DEPDC1B: variants seen among roughly 807,000 people sequenced by gnomAD.
The protein encoded by DEPDC1B is DEP domain containing 1B.
A neutral mutation model predicts 66.5 loss-of-function variants in DEPDC1B; 51 were observed. That is an observed-to-expected ratio of 0.77 (90% CI 0.61 to 0.97). The LOEUF (loss-of-function observed/expected upper bound fraction) is 0.97. Ranked by LOEUF, DEPDC1B falls within the 50% of genes least tolerant of loss-of-function variation. The pLI, the probability that DEPDC1B is intolerant of heterozygous loss-of-function variation, is 0.00. For missense variants in DEPDC1B, 552 were observed against 637.1 expected, an observed-to-expected ratio of 0.87 and a Z score of 1.44; for synonymous variants, 226 against 223.6, an observed-to-expected ratio of 1.01 and a Z score of -0.10.
At chr5:60,647,616 C>T in intron 2 of DEPDC1B, 83 bp from the exon 3 acceptor site, 1 of 1,463,742 alleles carries the variant, frequency 6.8e-7, no homozygotes, top group African/African-American at 1.4e-5. Flanking sequence ...TTTGGTGTAT[C>T]TGAAAATTTA....
chr5:60,601,210 A>G (rs2111701743), intron 9 of DEPDC1B, among the ~76,000 whole-genome samples: 1 of 152,354 alleles, frequency 6.6e-6, no homozygotes, highest in East Asian at 1.9e-4. Context: ...AGAGCAGACT[A>G]ATACACTGCT....
chr5:60,604,516 C>T (rs1752272055), intron 8 of DEPDC1B, among the ~76,000 whole-genome samples: 1 of 152,022 alleles, frequency 6.6e-6, no homozygotes, highest in South Asian at 2.1e-4. Context: ...CCACCACGCC[C>T]AGCCTAACTA....
chr5:60,669,724 C>A (rs1235912385), intron 2 of DEPDC1B, among the ~76,000 whole-genome samples: 2 of 152,164 alleles, frequency 1.3e-5, no homozygotes, highest in Non-Finnish European at 2.9e-5. Flanking sequence ...AAAATCCAAA[C>A]TCAGAAATCT....
At chr5:60,656,298 C>T (rs1398367486) in intron 2 of DEPDC1B, among the ~76,000 whole-genome samples, 2 of 151,726 alleles carry the variant, frequency 1.3e-5, no homozygotes, top group Non-Finnish European at 2.9e-5. Context: ...GTAGCTGAGA[C>T]TACAGGCACC....
chr5:60,656,838 T>C (rs1037469951), intron 2 of DEPDC1B, among the ~76,000 whole-genome samples: 3 of 152,080 alleles, frequency 2.0e-5, no homozygotes, highest in Non-Finnish European at 2.9e-5. Flanking sequence ...CACATGGGGA[T>C]TGTAGGGATT....
chr5:60,693,980 T>C (rs1436321606), intron 1 of DEPDC1B, among the ~76,000 whole-genome samples: 1 of 152,176 alleles, frequency 6.6e-6, no homozygotes, highest in African/African-American at 2.4e-5. Flanking sequence ...AAGGCATGGC[T>C]CTCTGGGACC....
At chr5:60,620,238 T>G (rs896001350) in intron 7 of DEPDC1B, among the ~76,000 whole-genome samples, 1 of 152,146 alleles carries the variant, frequency 6.6e-6, no homozygotes, top group South Asian at 2.1e-4. Flanking sequence ...GGGCAAGGAC[T>G]TCATGTCTAA....
At chr5:60,616,538 A>G (rs1325170240) in intron 7 of DEPDC1B, among the ~76,000 whole-genome samples, 7 of 152,240 alleles carry the variant, frequency 4.6e-5, no homozygotes, top group Admixed American at 3.3e-4. Context: ...AAGGAAGGGT[A>G]TCAGTGATGG....
intron 9 of DEPDC1B, among the ~76,000 whole-genome samples, chr5:60,601,989 A>C (rs1397476565): frequency 6.6e-6 from 1 of 152,168 alleles, no homozygotes; most frequent in Non-Finnish European, 1.5e-5. Flanking sequence ...AGCTAACAAA[A>C]GGCATGTCAT....
chr5:60,676,212 C>G (rs749784401), intron 2 of DEPDC1B, among the ~76,000 whole-genome samples: 2 of 150,240 alleles, frequency 1.3e-5, no homozygotes, highest in Non-Finnish European at 1.5e-5. Context: ...CTACAGGCGT[C>G]AGCCACTGTG....
At chr5:60,615,595 G>A (rs919048247) in intron 7 of DEPDC1B, among the ~76,000 whole-genome samples, 55 of 152,206 alleles carry the variant, frequency 3.6e-4, no homozygotes, top group Non-Finnish European at 2.8e-4. Context: ...AGCCAGGCTG[G>A]GGGAGGGGCG....
chr5:60,605,877 T>A (rs754764885), intron 7 of DEPDC1B, 21 bp from the exon 8 acceptor site: 3 of 1,574,568 alleles, frequency 1.9e-6, no homozygotes, highest in South Asian at 1.2e-5. Context: ...AAAAAAAAAA[T>A]GTTATCTTTC....
intron 7 of DEPDC1B, among the ~76,000 whole-genome samples, chr5:60,634,705 T>TAAATAC (rs1334275304): frequency 1.2e-4 from 16 of 131,458 alleles, no homozygotes; most frequent in African/African-American, 5.3e-4. Context: ...TAAATAAATA[T>TAAATAC]AAAAATAAAT....
intron 7 of DEPDC1B, among the ~76,000 whole-genome samples, chr5:60,611,538 T>G (rs1483943257): frequency 6.6e-6 from 1 of 152,200 alleles, no homozygotes; most frequent in Non-Finnish European, 1.5e-5. Flanking sequence ...AGCCAAGTTA[T>G]GAATGCAAAG....
At chr5:60,645,725 A>G (rs1395562358) in intron 3 of DEPDC1B, 106 bp from the exon 4 acceptor site, 11 of 1,229,006 alleles carry the variant, frequency 9.0e-6, no homozygotes, top group Admixed American at 2.7e-5. Flanking sequence ...AATGTCTTTG[A>G]TTTGGTTACT....
At chr5:60,627,124 G>A (rs1752823435) in intron 7 of DEPDC1B, among the ~76,000 whole-genome samples, 1 of 152,040 alleles carries the variant, frequency 6.6e-6, no homozygotes, top group Admixed American at 6.6e-5. Context: ...TCAAATTCAT[G>A]CAGAAATGCT....
chr5:60,669,542 TA>T (rs902471463), intron 2 of DEPDC1B, among the ~76,000 whole-genome samples: 35 of 152,340 alleles, frequency 2.3e-4, no homozygotes, highest in African/African-American at 8.4e-4. Context: ...CTGTGCTCTG[TA>T]AACCCATTCA....
chr5:60,667,951 TTATATATATAATGGATATTTTA>T lies in DEPDC1B; in HGVS notation c.314+18989_314+19010del, dbSNP rs1561384452. Reference sequence around the variant, plus strand: ...TTTATATATATATAAAATGGATATTTTATATATATAATGGATATTTTATATATATAAAATGGATATTATATAT... The same window carrying T: ...TTTATATATATATAAAATGGATATTTTATATATAAAATGGATATTATATAT... On this transcript the variant is annotated intron_variant, in intron 2 of 10. Coordinates refer to ENST00000265036, the MANE Select transcript of DEPDC1B (RefSeq NM_018369.3). Among the ~76,000 whole-genome samples, 7 of 120,258 alleles carry T rather than the reference TTATATATATAATGGATATTTTA, an allele frequency of 5.8e-5. 1 individual carries two copies. The highest frequency in any genetic ancestry group is 4.9e-4 in the East Asian group (2 of 4,068). 78.9% of individuals were successfully genotyped at this position (120,258 alleles called of 152,430 possible). A position where few individuals can be genotyped will look rare whatever the true frequency, so the allele number is the denominator to read the frequency against.
chr5:60,607,503 G>A (rs1752335242), intron 7 of DEPDC1B, among the ~76,000 whole-genome samples: 1 of 152,040 alleles, frequency 6.6e-6, no homozygotes, highest in African/African-American at 2.4e-5. Context: ...CTGTATTCCA[G>A]GAACTGTATT....
Sources: gnomAD v4.1 joint callset for allele counts (sites outside exome capture counted in the v4.1 genomes callset) on GRCh38, gnomAD v4.1.1 for gene constraint, MANE v1.5 for transcripts, NCBI Gene and HGNC (gene_info 2026-07-23, HGNC 2026-07-21) for gene names.